The following SPANXN5 variants were observed in gnomAD, a reference collection of about 807,000 sequenced individuals.
The protein encoded by SPANXN5 is sperm protein associated with the nucleus on the X chromosome N5.
In SPANXN5, 5 loss-of-function variants were observed where a neutral mutation model predicts 4.5. That is an observed-to-expected ratio of 1.11 (90% confidence interval 0.58 to 2.33). SPANXN5 has a LOEUF of 2.33. Ranked by LOEUF, SPANXN5 falls within the 30% of genes most tolerant of loss-of-function variation. The pLI, the probability that SPANXN5 is intolerant of heterozygous loss-of-function variation, is 0.01. For missense variants in SPANXN5, 41 were observed against 50.3 expected (o/e 0.82, Z 0.56); for synonymous variants, 20 against 20.4 (o/e 0.98, Z 0.05).
Position 52,796,413 on chromosome X carries a change from A to T in SPANXN5, c.*75T>A. 8.7e-7 allele frequency: 1 copy of T among 1,151,659 alleles called. No individual in the cohort carries two copies. The highest frequency in any genetic ancestry group is 1.2e-6 in the Non-Finnish European group (1 of 854,841). The allele number at this position is 1,151,659 out of a possible 1,213,427, so 94.9% of individuals were successfully genotyped here. On this transcript the variant is annotated 3_prime_UTR_variant, in exon 2 of 2. Transcript: ENST00000375511. ...CTTCATCCTGCTTTGAAGATTCTGC[A>T]GATGAGTCTAGGTCTTCGTCCTCCT...
Position 52,796,529 on chromosome X carries a change from T to C in SPANXN5, c.178A>G (p.Lys60Glu), listed in dbSNP as rs1556775719. The C allele has an allele frequency of 1.7e-6, 2 of 1,211,750 alleles. No individual in the cohort carries two copies. The highest frequency in any genetic ancestry group is 4.3e-5 in the Admixed American group (2 of 46,052). ...TVLVLCYRKTKKIHSNQLEND... is the reference protein window; with the variant it reads ...TVLVLCYRKTEKIHSNQLEND... ...TCGAGTTGATTTGAATGTATTTTCT[T>C]AGTCTTCCTGTAGCACAACACTAAT... Residue 60 changes from lysine (K) to glutamate (E), a missense_variant, in exon 2 of 2, where the codon AAG (lysine) becomes GAG (glutamate). Lys to Glu is a moderately conservative substitution (Grantham distance 56, BLOSUM62 1). Transcript: ENST00000375511.
rs1926570015 is a variant in SPANXN5, at chrX:52,796,470, T to G, written c.*18A>C. 2 of 1,206,143 alleles carry G rather than the reference T, an allele frequency of 1.7e-6. No individual in the cohort carries two copies. Among genetic ancestry groups the G allele is most frequent in the Non-Finnish European group, 1.1e-6 (1 of 892,187 alleles). On this transcript the variant is annotated 3_prime_UTR_variant, in exon 2 of 2. Coordinates refer to ENST00000375511, the MANE Select transcript of SPANXN5 (RefSeq NM_001009616.4). ...ATCCTTCGTCCTCCTCCTCTTGGAC[T>G]GGATTGATGGAGTTCTCTCAGGACT...
At chrX:52,797,162 G>T in intron 1 of SPANXN5, 112 bp downstream of exon 1, 1 of 861,330 alleles carries the variant, frequency 1.2e-6, no homozygotes, top group African/African-American at 2.0e-5. Flanking sequence ...CATTAAGCTG[G>T]TCCCCCACTT....
intron 1 of SPANXN5, 59 bp downstream of exon 1, chrX:52,797,215 C>A: frequency 8.7e-7 from 1 of 1,150,146 alleles, no homozygotes; most frequent in Non-Finnish European, 1.2e-6. Flanking sequence ...TTTGAGCTGC[C>A]CCCTCTCTGT....
In SPANXN5 at chrX:52,797,390, G is replaced by C. The variant is rs1556775851; in HGVS notation, c.-42C>G. The C allele has an allele frequency of 1.7e-6, 2 of 1,174,689 alleles. No individual in the cohort carries two copies. The highest frequency in any genetic ancestry group is 5.9e-5 in the East Asian group (2 of 33,655). On this transcript the variant is annotated 5_prime_UTR_variant, in exon 1 of 2. Transcript: ENST00000375511. ...TGAATGTCTACAGCAGGATCTTGTA[G>C]AGTCCAGACTTCCACAGCTATATTG...
chrX:52,797,051 A>G (rs1926583626), intron 1 of SPANXN5, among the ~76,000 whole-genome samples: 1 of 111,068 alleles, frequency 9.0e-6, no homozygotes, highest in Non-Finnish European at 1.9e-5. Flanking sequence ...TGATCATAAG[A>G]ACATCTTATC....
At position 52,796,631 on chromosome X, in the gene SPANXN5, T is replaced by C. The variant is rs1265210248; in HGVS notation, c.76A>G (p.Met26Val). ...AAGTCCCTGTTTGGTGTCTCCTGCATCTGTTAAGAAAACAGGGAGAGGCCA... is the reference window on the plus strand; with the variant it reads ...AAGTCCCTGTTTGGTGTCTCCTGCACCTGTTAAGAAAACAGGGAGAGGCCA... ...PCDSNSKNDE[M>V]QETPNRDLVL... The change falls in exon 2 of 2, where the codon ATG becomes GTG. Residue 26 changes from methionine (M) to valine (V), a missense_variant and splice_region_variant. Physicochemically the swap from Met to Val is conservative, Grantham distance 21. Transcript: ENST00000375511. 1.7e-6 allele frequency: 2 copies of C among 1,209,714 alleles called. No individual in the cohort carries two copies. The highest frequency in any genetic ancestry group is 3.5e-5 in the African/African-American group (2 of 57,174).
intron 1 of SPANXN5, among the ~76,000 whole-genome samples, chrX:52,796,902 C>A (rs1926580927): frequency 9.0e-6 from 1 of 111,239 alleles, no homozygotes; most frequent in African/African-American, 3.3e-5. Context: ...GGGTTCAGGC[C>A]GTGAGAAACA....
Position 52,796,396 on chromosome X carries a change from T to G in SPANXN5, c.*92A>C. Reference sequence around the variant, plus strand: ...TTCAGGTAATTGTAGGTCTTCATCCTGCTTTGAAGATTCTGCAGATGAGTC... The same window carrying G: ...TTCAGGTAATTGTAGGTCTTCATCCGGCTTTGAAGATTCTGCAGATGAGTC... On this transcript the variant is annotated 3_prime_UTR_variant, in exon 2 of 2. Transcript: ENST00000375511. 1 of 1,122,557 alleles carries G rather than the reference T, an allele frequency of 8.9e-7. No individual in the cohort carries two copies. The highest frequency in any genetic ancestry group is 1.2e-6 in the Non-Finnish European group (1 of 832,032). 92.5% of individuals were successfully genotyped at this position (1,122,557 alleles called of 1,213,427 possible). A position where few individuals can be genotyped will look rare whatever the true frequency, so the allele number is the denominator to read the frequency against.
rs782681398 is a variant in SPANXN5, at chrX:52,796,643, AC to A, written c.76-13del. ...GGTGTCTCCTGCATCTGTTAAGAAA[AC>A]AGGGAGAGGCCAGAAAGACATTATT... On this transcript the variant is annotated splice_polypyrimidine_tract_variant and intron_variant, in intron 1 of 1. Coordinates refer to ENST00000375511, the MANE Select transcript of SPANXN5 (RefSeq NM_001009616.4). 1 of 1,211,000 alleles carries A rather than the reference AC, an allele frequency of 8.3e-7. No individual in the cohort carries two copies. The highest frequency in any genetic ancestry group is 1.1e-6 in the Non-Finnish European group (1 of 895,144).
chrX:52,797,260 C>T lies in SPANXN5; in HGVS notation c.75+14G>A. 1 of 1,209,741 alleles carries T rather than the reference C, an allele frequency of 8.3e-7. No homozygotes were observed. Among genetic ancestry groups the T allele is most frequent in the Non-Finnish European group, 1.1e-6 (1 of 893,838 alleles). ...TTTCACCCTCGCCTTCACTTCAAAA[C>T]CTAACAATCTTACCTCATCATTTTT... On this transcript the variant is annotated intron_variant, in intron 1 of 1. Coordinates refer to ENST00000375511, the MANE Select transcript of SPANXN5 (RefSeq NM_001009616.4).
chrX:52,796,606 A>G lies in SPANXN5; in HGVS notation c.101T>C (p.Leu34Ser), dbSNP rs199819194. 5.5e-5 allele frequency: 66 copies of G among 1,210,163 alleles called. No homozygotes were observed. The highest frequency in any genetic ancestry group is 4.8e-4 in the Admixed American group (22 of 45,751). ...CTTTTTCAAACTCGGTTCGAGGACT[A>G]AGTCCCTGTTTGGTGTCTCCTGCAT... Reference protein sequence around the residue: ...DEMQETPNRDLVLEPSLKKMK... With the variant: ...DEMQETPNRDSVLEPSLKKMK... Residue 34 changes from leucine to serine, a missense_variant, in exon 2 of 2, where the codon TTA becomes TCA. Physicochemically the swap from Leu to Ser is moderately radical, Grantham distance 145. Transcript: ENST00000375511.
intron 1 of SPANXN5, among the ~76,000 whole-genome samples, 199 bp from the exon 2 acceptor site, chrX:52,796,830 T>G (rs1188598813): frequency 9.0e-6 from 1 of 111,356 alleles, no homozygotes; most frequent in African/African-American, 3.3e-5. Context: ...TAGTCCAAAC[T>G]GCACCATTTT....
At chrX:52,796,758 A>G in intron 1 of SPANXN5, 127 bp from the exon 2 acceptor site, 2 of 944,917 alleles carry the variant, frequency 2.1e-6, no homozygotes, top group Non-Finnish European at 3.0e-6. Flanking sequence ...AGAGAAGAAC[A>G]AGGTTGACTC....
Position 52,796,640 on chromosome X carries a change from A to C in SPANXN5, c.76-9T>G, listed in dbSNP as rs782741756. 4.1e-6 allele frequency: 5 copies of C among 1,211,194 alleles called. No individual in the cohort carries two copies. The South Asian group carries it at 8.8e-5, about 21-fold the overall frequency. On this transcript the variant is annotated splice_polypyrimidine_tract_variant and intron_variant, in intron 1 of 1. Transcript: ENST00000375511. ...TTTGGTGTCTCCTGCATCTGTTAAG[A>C]AAACAGGGAGAGGCCAGAAAGACAT...
intron 1 of SPANXN5, 25 bp from the exon 2 acceptor site, chrX:52,796,656 A>G: frequency 8.3e-7 from 1 of 1,210,024 alleles, no homozygotes; most frequent in Non-Finnish European, 1.1e-6. Context: ...GGGAGAGGCC[A>G]GAAAGACATT....
At position 52,796,299 on chromosome X, in the gene SPANXN5, T is replaced by C; in HGVS notation, c.*189A>G. ...CTTCCTCCATCAAAGATCCTTCAGA[T>C]GAGTCTAGGTCTTCATCCTCTTGTG... On this transcript the variant is annotated 3_prime_UTR_variant, in exon 2 of 2. Transcript: ENST00000375511. 1.7e-6 allele frequency: 1 copy of C among 593,154 alleles called. No individual in the cohort carries two copies. The highest frequency in any genetic ancestry group is 3.2e-5 in the South Asian group (1 of 31,648). 48.9% of individuals were successfully genotyped at this position (593,154 alleles called of 1,213,427 possible).
chrX:52,797,259 A>C lies in SPANXN5; in HGVS notation c.75+15T>G, dbSNP rs1569182127. On this transcript the variant is annotated intron_variant, in intron 1 of 1. Coordinates refer to ENST00000375511, the MANE Select transcript of SPANXN5 (RefSeq NM_001009616.4). ...CTTTCACCCTCGCCTTCACTTCAAA[A>C]CCTAACAATCTTACCTCATCATTTT... The C allele has an allele frequency of 3.3e-6, 4 of 1,208,350 alleles. No individual in the cohort carries two copies. Among genetic ancestry groups the C allele is most frequent in the Non-Finnish European group, 4.5e-6 (4 of 893,419 alleles).
intron 1 of SPANXN5, 88 bp downstream of exon 1, chrX:52,797,186 C>T: frequency 2.0e-6 from 2 of 1,005,295 alleles, no homozygotes; most frequent in Non-Finnish European, 1.4e-6. Flanking sequence ...CAAGCGTCTG[C>T]AGTATTCCTG....
Sources: allele counts gnomAD v4.1 joint callset (sites outside exome capture counted in the v4.1 genomes callset), GRCh38; gene constraint gnomAD v4.1.1; transcripts MANE v1.5; gene names NCBI Gene and HGNC (gene_info 2026-07-23, HGNC 2026-07-21).